Variants in CUX2 observed in about 807,000 individuals in gnomAD.
CUX2 encodes the protein homeobox protein cut-like 2.
A neutral mutation model predicts 144.8 loss-of-function variants in CUX2; 40 were observed. The observed-to-expected ratio is 0.28, with a 90% confidence interval of 0.21 to 0.36. CUX2 has a LOEUF of 0.36. Ranked by LOEUF, CUX2 falls within the 10% of genes least tolerant of loss-of-function variation. The probability of loss-of-function intolerance (pLI) is 1.00; values close to 1 mark genes in which losing one functional copy is unlikely to be tolerated. For missense variants in CUX2, 1,615 were observed against 1,994.0 expected (o/e 0.81, Z 3.62); for synonymous variants, 827 against 875.6 (o/e 0.94, Z 0.98).
chr12:111,155,229 G>A (rs1877299554), intron 1 of CUX2, among the ~76,000 whole-genome samples: 1 of 152,104 alleles, frequency 6.6e-6, no homozygotes, highest in African/African-American at 2.4e-5. Context: ...ACCTCTCTGA[G>A]CCTCCATTTT....
chr12:111,194,631 C>T (rs1366429788), intron 1 of CUX2, among the ~76,000 whole-genome samples: 1 of 152,252 alleles, frequency 6.6e-6, no homozygotes, highest in Non-Finnish European at 1.5e-5. Context: ...TGTCCCCATC[C>T]CACCCAGTCA....
At chr12:111,128,344 C>A (rs1232102397) in intron 1 of CUX2, among the ~76,000 whole-genome samples, 1 of 152,150 alleles carries the variant, frequency 6.6e-6, no homozygotes, top group African/African-American at 2.4e-5. Flanking sequence ...GCCTACATAT[C>A]CTGGAGAACC....
intron 16 of CUX2, among the ~76,000 whole-genome samples, chr12:111,317,237 T>TA (rs1887241740): frequency 1.3e-5 from 2 of 152,146 alleles, no homozygotes; most frequent in Non-Finnish European, 2.9e-5. Flanking sequence ...GAGACTCTGG[T>TA]GTCGGGAACG....
chr12:111,298,862 G>A (rs1886147200), intron 9 of CUX2, among the ~76,000 whole-genome samples: 1 of 152,168 alleles, frequency 6.6e-6, no homozygotes, highest in Non-Finnish European at 1.5e-5. Context: ...CAGGCAGGAA[G>A]GGGCCGCTGA....
chr12:111,221,713 C>G (rs1402352770), intron 3 of CUX2, among the ~76,000 whole-genome samples: 3 of 151,982 alleles, frequency 2.0e-5, no homozygotes, highest in African/African-American at 7.3e-5. Context: ...TTCACCAGCC[C>G]TGGTGTGTTC....
At chr12:111,294,590 A>T (rs1312455820) in intron 6 of CUX2, among the ~76,000 whole-genome samples, 1 of 150,234 alleles carries the variant, frequency 6.7e-6, no homozygotes, top group African/African-American at 2.4e-5. Flanking sequence ...CTTTTCAAAA[A>T]AAAAAAAAAA....
At chr12:111,153,476 T>C (rs1261816081) in intron 1 of CUX2, among the ~76,000 whole-genome samples, 2 of 152,136 alleles carry the variant, frequency 1.3e-5, no homozygotes, top group Non-Finnish European at 2.9e-5. Context: ...ACCACAAACC[T>C]GAACATCATG....
chr12:111,195,249 C>G (rs573138904), intron 1 of CUX2, among the ~76,000 whole-genome samples: 1 of 152,282 alleles, frequency 6.6e-6, no homozygotes, highest in East Asian at 1.9e-4. Flanking sequence ...CCTCCCCTGA[C>G]TGTTCCATCG....
Position 111,034,223 on chromosome 12 carries a change from G to T in CUX2, c.46G>T (p.Asp16Tyr). Residue 16 changes from aspartate (D) to tyrosine (Y), a missense_variant, in exon 1 of 22, where the codon GAT (aspartate) becomes TAT (tyrosine). Asp to Tyr is a radical substitution (Grantham distance 160). Around this residue, in one of 12 missense-constraint regions of CUX2, gnomAD observed 64 missense variants for 64.9 expected, o/e 0.99. Transcript: ENST00000261726. This position sits in a 1 kb window ranked among gnomAD's most constrained non-coding sequence, Gnocchi z 4.2. Reference sequence around the variant, plus strand: ...GATGTTTCAATATTGGAAGCGATTTGATCTACGGCGACTCCAGGTTAGTGC... The same window carrying T: ...GATGTTTCAATATTGGAAGCGATTTTATCTACGGCGACTCCAGGTTAGTGC... ...GSMFQYWKRF[D>Y]LRRLQKELNS... 2 of 1,398,814 alleles carry T rather than the reference G, an allele frequency of 1.4e-6. No homozygotes were observed. The highest frequency in any genetic ancestry group is 1.9e-6 in the Non-Finnish European group (2 of 1,047,222). The allele number at this position is 1,398,814 out of a possible 1,614,324, so 86.7% of individuals were successfully genotyped here.
Position 111,320,079 on chromosome 12 carries a change from G to T in CUX2, c.2070G>T (p.Glu690Asp). The change falls in exon 17 of 22, where the codon GAG becomes GAT. Residue 690 changes from glutamate to aspartate, a missense_variant. By Grantham distance (45) the Glu-to-Asp change is conservative. Around this residue, in one of 12 missense-constraint regions of CUX2, gnomAD observed 390 missense variants for 387.1 expected, o/e 1.01. Coordinates refer to ENST00000261726, the MANE Select transcript of CUX2 (RefSeq NM_015267.4). This position sits in a 1 kb window ranked among gnomAD's most constrained non-coding sequence, Gnocchi z 8.1. Reference protein sequence around the residue: ...ANGTTPASTSEDAIKSILEQA... With the variant: ...ANGTTPASTSDDAIKSILEQA... ...GCACGACCCCCGCCAGCACCTCGGA[G>T]GACGCCATCAAGAGCATCCTGGAGC... 1 of 1,555,448 alleles carries T rather than the reference G, an allele frequency of 6.4e-7. No individual in the cohort carries two copies. The highest frequency in any genetic ancestry group is 2.4e-5 in the East Asian group (1 of 42,490).
At chr12:111,127,976 G>A (rs1459703902) in intron 1 of CUX2, among the ~76,000 whole-genome samples, 1 of 152,172 alleles carries the variant, frequency 6.6e-6, no homozygotes, top group Admixed American at 6.5e-5. Context: ...ATGACATGTG[G>A]GGATTATTAC....
chr12:111,312,533 T>G lies in CUX2; in HGVS notation c.2002+332T>G, dbSNP rs1315003213. Among the ~76,000 whole-genome samples, 3 of 136,492 alleles carry G rather than the reference T, an allele frequency of 2.2e-5. No individual in the cohort carries two copies. The highest frequency in any genetic ancestry group is 3.2e-5 in the African/African-American group (1 of 31,536). 89.5% of individuals were successfully genotyped at this position (136,492 alleles called of 152,430 possible). A position where few individuals can be genotyped will look rare whatever the true frequency, so the allele number is the denominator to read the frequency against. ...CTGGCCAACATGGTAAAACCCCATC[T>G]CTACTAAAAATACAAAATTACCTGG... is the stretch of plus-strand genomic sequence containing the variant. On this transcript the variant is annotated intron_variant, in intron 16 of 21. Coordinates refer to ENST00000261726, the MANE Select transcript of CUX2 (RefSeq NM_015267.4). This position sits in a 1 kb window ranked among gnomAD's most constrained non-coding sequence, Gnocchi z 4.3.
At chr12:111,132,121 T>C (rs1467789271) in intron 1 of CUX2, among the ~76,000 whole-genome samples, 3 of 152,240 alleles carry the variant, frequency 2.0e-5, no homozygotes, top group African/African-American at 7.2e-5. Context: ...GAAATCTCGA[T>C]GGAAGTTCCC....
chr12:111,168,439 G>A (rs1878293944), intron 1 of CUX2, among the ~76,000 whole-genome samples: 1 of 152,190 alleles, frequency 6.6e-6, no homozygotes, highest in African/African-American at 2.4e-5. Context: ...ATGGGTGGGT[G>A]TTTGGAAACA....
chr12:111,331,546 G>T (rs1009524579), intron 18 of CUX2, among the ~76,000 whole-genome samples: 1 of 151,948 alleles, frequency 6.6e-6, no homozygotes, highest in Non-Finnish European at 1.5e-5. Flanking sequence ...TCCCATGGGT[G>T]CCTCTAATGC....
chr12:111,213,191 G>A (rs368807430), intron 1 of CUX2, among the ~76,000 whole-genome samples: 1 of 152,196 alleles, frequency 6.6e-6, no homozygotes, highest in East Asian at 1.9e-4. Flanking sequence ...ATACAGAAAT[G>A]CTCCTCGAGT....
At chr12:111,094,097 G>A (rs1872687679) in intron 1 of CUX2, among the ~76,000 whole-genome samples, 1 of 152,236 alleles carries the variant, frequency 6.6e-6, no homozygotes, top group East Asian at 1.9e-4. Context: ...ACAGGGGACA[G>A]TGTATTATTA....
chr12:111,343,810 C>T (rs1452832327), intron 21 of CUX2, among the ~76,000 whole-genome samples: 1 of 152,186 alleles, frequency 6.6e-6, no homozygotes, highest in Non-Finnish European at 1.5e-5. Flanking sequence ...CCTGTAATCG[C>T]AGCACTTTGG....
chr12:111,240,255 G>T (rs927886402), intron 3 of CUX2, among the ~76,000 whole-genome samples: 3 of 152,230 alleles, frequency 2.0e-5, no homozygotes, highest in Non-Finnish European at 4.4e-5. Flanking sequence ...GCAAAACTGG[G>T]CCTCCCAGAG....
Sources: allele counts gnomAD v4.1 joint callset (sites outside exome capture counted in the v4.1 genomes callset), GRCh38; gene constraint gnomAD v4.1.1; regional missense constraint gnomAD v4.1.1; non-coding constraint Gnocchi (gnomAD v3.1); transcripts MANE v1.5; gene names NCBI Gene and HGNC (gene_info 2026-07-23, HGNC 2026-07-21).